NAA16: variants seen among roughly 807,000 people sequenced by gnomAD.
NAA16 encodes NARG1-like protein.
NAA16 carries 97 observed loss-of-function variants against 110.3 expected under a neutral mutation model. The ratio of observed to expected loss-of-function variants is 0.88; its 90% CI spans 0.75 to 1.04. The LOEUF (loss-of-function observed/expected upper bound fraction) is 1.04. NAA16 is among the 50% of genes least tolerant of loss of function. NAA16 has a pLI of 0.00. For synonymous variants in NAA16, 372 were observed against 330.6 expected (o/e 1.13, Z -1.36); for missense variants, 1,017 against 1,005.1 (o/e 1.01, Z -0.16).
chr13:41,376,525 T>A lies in NAA16; in HGVS notation c.*923T>A, dbSNP rs1286884806. ...ATTGTTGAATATTTCTCTCTCCCAG[T>A]CTTAAAAGCCCACAGGCAAGAATTA... is the stretch of plus-strand genomic sequence containing the variant. On this transcript the variant is annotated 3_prime_UTR_variant, in exon 20 of 20. Coordinates refer to ENST00000379406, the MANE Select transcript of NAA16 (RefSeq NM_024561.5). 6.6e-6 allele frequency: 1 copy of A among 152,196 alleles called. No homozygotes were observed. Among genetic ancestry groups the A allele is most frequent in the Non-Finnish European group, 1.5e-5 (1 of 68,024 alleles). 9.4% of individuals were successfully genotyped at this position (152,196 alleles called of 1,614,324 possible).
At chr13:41,332,383 T>C (rs947128489) in intron 8 of NAA16, among the ~76,000 whole-genome samples, 5 of 152,202 alleles carry the variant, frequency 3.3e-5, no homozygotes, top group Admixed American at 1.3e-4. Flanking sequence ...TTTATATAAA[T>C]AGGAGTACTC....
At chr13:41,353,975 A>G (rs1439180964) in intron 9 of NAA16, among the ~76,000 whole-genome samples, 2 of 152,106 alleles carry the variant, frequency 1.3e-5, no homozygotes, top group Non-Finnish European at 1.5e-5. Context: ...ATTTTCTACT[A>G]CCCTAATGTC....
chr13:41,366,167 G>A (rs1426022133), intron 13 of NAA16, among the ~76,000 whole-genome samples: 2 of 152,060 alleles, frequency 1.3e-5, no homozygotes, highest in Non-Finnish European at 2.9e-5. Context: ...ATTAAAGCAT[G>A]GCTTTTTAGT....
At chr13:41,329,109 CAAAA>C (rs926121485) in intron 7 of NAA16, among the ~76,000 whole-genome samples, 1 of 151,142 alleles carries the variant, frequency 6.6e-6, no homozygotes, top group Admixed American at 6.6e-5. Context: ...CAAACCAAAA[CAAAA>C]AAAACCATAC....
chr13:41,374,878 TGATCTAACA>T, intron 19 of NAA16, 39 bp downstream of exon 19: 1 of 1,249,004 alleles, frequency 8.0e-7, no homozygotes, highest in Non-Finnish European at 1.2e-6. Context: ...GCTTACACAG[TGATCTAACA>T]AAACGTGTCT....
At chr13:41,355,304 C>A in intron 10 of NAA16, 88 bp downstream of exon 10, 1 of 742,186 alleles carries the variant, frequency 1.3e-6, no homozygotes, top group Non-Finnish European at 2.2e-6. Flanking sequence ...TATGTGTGTG[C>A]TACCTAATGG....
At chr13:41,340,490 A>G (rs534654242) in intron 9 of NAA16, among the ~76,000 whole-genome samples, 2 of 151,874 alleles carry the variant, frequency 1.3e-5, no homozygotes, top group African/African-American at 2.4e-5. Context: ...CCCTCTACAC[A>G]CTGCTTTAAA....
intron 13 of NAA16, among the ~76,000 whole-genome samples, chr13:41,365,117 T>A (rs547694322): frequency 2.0e-5 from 3 of 152,280 alleles, no homozygotes; most frequent in African/African-American, 4.8e-5. Context: ...TTTGTCATGC[T>A]CTTCATGTTT....
intron 10 of NAA16, among the ~76,000 whole-genome samples, chr13:41,357,494 C>T (rs2043016530): frequency 6.6e-6 from 1 of 152,106 alleles, no homozygotes; most frequent in South Asian, 2.1e-4. Flanking sequence ...AACTCATTGC[C>T]TTTATTTTAT....
chr13:41,319,256 A>C (rs780907592), intron 3 of NAA16, among the ~76,000 whole-genome samples: 20 of 152,350 alleles, frequency 1.3e-4, no homozygotes, highest in Non-Finnish European at 1.5e-4. Context: ...CTTAAACATA[A>C]TTAACTGGGT....
intron 2 of NAA16, among the ~76,000 whole-genome samples, chr13:41,317,933 C>G (rs181313470): frequency 1.4e-4 from 22 of 152,344 alleles, no homozygotes; most frequent in Non-Finnish European, 2.5e-4. Context: ...CCACTACCAT[C>G]ATCCAGTGTT....
At chr13:41,341,815 A>G (rs905269731) in intron 9 of NAA16, among the ~76,000 whole-genome samples, 4 of 149,506 alleles carry the variant, frequency 2.7e-5, no homozygotes, top group African/African-American at 9.8e-5. Context: ...GTAGTCTTTC[A>G]CATATTATAT....
In NAA16 at chr13:41,366,082, T is replaced by TA. The variant is rs74840182; in HGVS notation, c.1540-1348dup. 1.1e-4 allele frequency among the ~76,000 whole-genome samples: 17 copies of TA among 151,618 alleles called. No individual in the cohort carries two copies. The East Asian group carries it at 1.4e-3, about 12-fold the overall frequency. On this transcript the variant is annotated intron_variant, in intron 13 of 19. Coordinates refer to ENST00000379406, the MANE Select transcript of NAA16 (RefSeq NM_024561.5). ...TTATGAAATATGTAATCCTTTGATT[T>TA]AAAAAAAAAGTTCATGTTAATATTT...
chr13:41,345,100 A>G (rs1269749439), intron 9 of NAA16, among the ~76,000 whole-genome samples: 1 of 152,206 alleles, frequency 6.6e-6, no homozygotes, highest in Non-Finnish European at 1.5e-5. Context: ...TGGATATACC[A>G]CATTGATTGT....
intron 7 of NAA16, among the ~76,000 whole-genome samples, chr13:41,330,078 A>G (rs1338047639): frequency 6.6e-6 from 1 of 151,940 alleles, no homozygotes; most frequent in Non-Finnish European, 1.5e-5. Flanking sequence ...AGGCACGAAC[A>G]TGAGAGTATT....
At chr13:41,338,106 T>C (rs1002928366) in intron 9 of NAA16, among the ~76,000 whole-genome samples, 1 of 152,234 alleles carries the variant, frequency 6.6e-6, no homozygotes, top group Non-Finnish European at 1.5e-5. Context: ...ATAATTTCTC[T>C]AGATTATTTA....
At chr13:41,357,077 T>C (rs2043006230) in intron 10 of NAA16, among the ~76,000 whole-genome samples, 1 of 152,196 alleles carries the variant, frequency 6.6e-6, no homozygotes, top group African/African-American at 2.4e-5. Flanking sequence ...CCAACACTTT[T>C]GGGGATGCTG....
At position 41,362,013 on chromosome 13, in the gene NAA16, T is replaced by G. The variant is rs761479255; in HGVS notation, c.1411-18T>G. ...TTTCATTGTTTGCTCTCTATAGTTT[T>G]GAATGCTTCCATTTCAGGAAGGAAC... On this transcript the variant is annotated intron_variant, in intron 12 of 19. Coordinates refer to ENST00000379406, the MANE Select transcript of NAA16 (RefSeq NM_024561.5). The G allele has an allele frequency of 6.2e-7, 1 of 1,610,440 alleles. No individual in the cohort carries two copies. Among genetic ancestry groups the G allele is most frequent in the South Asian group, 1.1e-5 (1 of 90,230 alleles).
intron 12 of NAA16, among the ~76,000 whole-genome samples, chr13:41,359,736 GA>G (rs143103636): frequency 0.029 from 4,402 of 151,794 alleles, 201 homozygotes; most frequent in African/African-American, 0.098. Flanking sequence ...ACTTATACAA[GA>G]AAATATAAAG....
Sources: gnomAD v4.1 joint callset for allele counts (sites outside exome capture counted in the v4.1 genomes callset) on GRCh38, gnomAD v4.1.1 for gene constraint, MANE v1.5 for transcripts, NCBI Gene and HGNC (gene_info 2026-07-23, HGNC 2026-07-21) for gene names.